The following PDLIM1 variants were observed in gnomAD, a reference collection of about 807,000 sequenced individuals.
PDLIM1 encodes the protein PDZ and LIM domain 1.
Under a neutral mutation model 35.2 loss-of-function variants are expected in PDLIM1, and 25 were observed. The observed-to-expected ratio is 0.71, with a 90% confidence interval of 0.52 to 0.99. The LOEUF (loss-of-function observed/expected upper bound fraction) is 0.99, where lower values mean the gene tolerates loss of function less well. Ranked by LOEUF, PDLIM1 falls within the 50% of genes least tolerant of loss-of-function variation. The probability of loss-of-function intolerance (pLI) is 0.00; values close to 1 mark genes in which losing one functional copy is unlikely to be tolerated. For missense variants in PDLIM1, 363 were observed against 415.3 expected (o/e 0.87, Z 1.09); for synonymous variants, 152 against 154.0 (o/e 0.99, Z 0.10).
chr10:95,260,908 T>C (rs999221967), intron 4 of PDLIM1, among the ~76,000 whole-genome samples: 1 of 152,170 alleles, frequency 6.6e-6, no homozygotes, highest in Non-Finnish European at 1.5e-5. Context: ...GCACTAGAAA[T>C]ACACCAGCAA....
chr10:95,261,360 G>A (rs1276201995), intron 4 of PDLIM1, among the ~76,000 whole-genome samples: 2 of 152,190 alleles, frequency 1.3e-5, no homozygotes, highest in Non-Finnish European at 1.5e-5. Flanking sequence ...AGAGGGTCAT[G>A]TTCTCAGCCT....
At chr10:95,253,394 G>A (rs1053145100) in intron 4 of PDLIM1, among the ~76,000 whole-genome samples, 6 of 151,696 alleles carry the variant, frequency 4.0e-5, no homozygotes, top group Non-Finnish European at 5.9e-5. Flanking sequence ...CTAAATAGAC[G>A]AAAAAAAATA....
intron 1 of PDLIM1, among the ~76,000 whole-genome samples, chr10:95,289,304 C>A (rs981078882): frequency 6.6e-6 from 1 of 152,232 alleles, no homozygotes; most frequent in African/African-American, 2.4e-5. Flanking sequence ...TTACCCAGCC[C>A]GGCCAGGTAC....
Position 95,237,684 on chromosome 10 carries a change from G to T in PDLIM1, c.*241C>A. The stretch of plus-strand genomic sequence containing the variant: ...ATGCAGCAGAGAAGAACGGTGGGGC[G>T]AAGGGACACAGTGTTGCTGACAAGG... On this transcript the variant is annotated 3_prime_UTR_variant, in exon 7 of 7. Transcript: ENST00000329399. 1 of 493,410 alleles carries T rather than the reference G, an allele frequency of 2.0e-6. No homozygotes were observed. The highest frequency in any genetic ancestry group is 3.6e-6 in the Non-Finnish European group (1 of 275,798). The allele number at this position is 493,410 out of a possible 1,614,324, so 30.6% of individuals were successfully genotyped here.
At chr10:95,268,897 T>C (rs777645770) in intron 2 of PDLIM1, 35 bp from the exon 3 acceptor site, 29 of 1,446,900 alleles carry the variant, frequency 2.0e-5, no homozygotes, top group Non-Finnish European at 2.5e-5. Context: ...GTTTCACTCA[T>C]GTAAAATAAA....
At chr10:95,281,533 C>T (rs1229036756) in intron 1 of PDLIM1, among the ~76,000 whole-genome samples, 1 of 152,244 alleles carries the variant, frequency 6.6e-6, no homozygotes, top group Non-Finnish European at 1.5e-5. Flanking sequence ...CACCACTACA[C>T]TCCAGCTTGG....
intron 5 of PDLIM1, among the ~76,000 whole-genome samples, chr10:95,246,074 T>C (rs960297865): frequency 2.6e-5 from 4 of 152,052 alleles, no homozygotes; most frequent in African/African-American, 4.8e-5. Flanking sequence ...ATGAGAGAGA[T>C]AGAGGGCATA....
chr10:95,282,913 C>T (rs1042116628), intron 1 of PDLIM1, among the ~76,000 whole-genome samples: 37 of 152,316 alleles, frequency 2.4e-4, no homozygotes, highest in South Asian at 1.0e-3. Context: ...CACTGCACTC[C>T]AGCCCAGGCG....
intron 1 of PDLIM1, among the ~76,000 whole-genome samples, chr10:95,281,716 T>C (rs1564606527): frequency 6.6e-6 from 1 of 152,214 alleles, no homozygotes; most frequent in Non-Finnish European, 1.5e-5. Flanking sequence ...GGTCTTGAAC[T>C]CCTGGCCTCA....
rs2035643709 is a variant in PDLIM1 at position 95,290,510 on chromosome 10, C to G, written c.96+310G>C. Among the ~76,000 whole-genome samples, 1 of 152,128 alleles carries G rather than the reference C, an allele frequency of 6.6e-6. No homozygotes were observed. Among genetic ancestry groups the G allele is most frequent in the Non-Finnish European group, 1.5e-5 (1 of 68,006 alleles). Reference sequence around the variant, plus strand: ...GGATCTGCGGGGACCCTCGTCCCCTCGCTGGTTGACAAAGAACTAACACCC... The same window carrying G: ...GGATCTGCGGGGACCCTCGTCCCCTGGCTGGTTGACAAAGAACTAACACCC... On this transcript the variant is annotated intron_variant, in intron 1 of 6. Coordinates refer to ENST00000329399, the MANE Select transcript of PDLIM1 (RefSeq NM_020992.4). This position sits in a 1 kb window ranked among gnomAD's most constrained non-coding sequence, Gnocchi z 4.7.
intron 1 of PDLIM1, among the ~76,000 whole-genome samples, chr10:95,286,415 TTATTATTTTATTTTATCTTTACAGGGAA>T (rs1176590394): frequency 6.6e-6 from 1 of 152,146 alleles, no homozygotes; most frequent in Admixed American, 6.5e-5. Context: ...GTTTGCTTGC[TTATTATTTTATTTTATCTTTACAGGGAA>T]TATTATTTTA....
chr10:95,264,713 C>G (rs762054825), intron 3 of PDLIM1, among the ~76,000 whole-genome samples: 2 of 152,130 alleles, frequency 1.3e-5, no homozygotes, highest in South Asian at 2.1e-4. Flanking sequence ...CCCAGCAGAG[C>G]TGCAGAAAAG....
At chr10:95,285,524 T>C (rs1194430559) in intron 1 of PDLIM1, among the ~76,000 whole-genome samples, 1 of 152,130 alleles carries the variant, frequency 6.6e-6, no homozygotes. Context: ...AGCTCTGCAA[T>C]TGTCTGACTT....
At chr10:95,278,581 A>C (rs2035534586) in intron 1 of PDLIM1, among the ~76,000 whole-genome samples, 1 of 152,130 alleles carries the variant, frequency 6.6e-6, no homozygotes, top group Admixed American at 6.5e-5. Flanking sequence ...AAGCCACAAA[A>C]GGAAAAAAGC....
intron 5 of PDLIM1, among the ~76,000 whole-genome samples, chr10:95,242,903 T>G (rs961476946): frequency 2.0e-5 from 3 of 152,002 alleles, no homozygotes; most frequent in African/African-American, 4.8e-5. Flanking sequence ...CTGGGCAGTT[T>G]GCAAAGGCAC....
chr10:95,255,733 C>T (rs545807915), intron 4 of PDLIM1, among the ~76,000 whole-genome samples: 2 of 152,244 alleles, frequency 1.3e-5, no homozygotes, highest in African/African-American at 4.8e-5. Context: ...GGCAAGAATG[C>T]CAACTTTTAC....
At chr10:95,264,823 A>G (rs1328449258) in intron 3 of PDLIM1, among the ~76,000 whole-genome samples, 1 of 152,110 alleles carries the variant, frequency 6.6e-6, no homozygotes. Context: ...GTGAATAATT[A>G]CTACAGCTAC....
Position 95,249,751 on chromosome 10 carries a change from C to T in PDLIM1, c.534-2385G>A, listed in dbSNP as rs45474292. Among the ~76,000 whole-genome samples, 560 of 152,310 alleles carry T rather than the reference C, an allele frequency of 3.7e-3. 2 individuals are homozygous for T. The highest frequency in any genetic ancestry group is 8.4e-3 in the Admixed American group (129 of 15,294). ...GTCCCCAGCTAAAGGCAGAGTCAAT[C>T]ATAGCAATCAAGGTCCAGGTGTTTC... On this transcript the variant is annotated intron_variant, in intron 4 of 6. Transcript: ENST00000329399.
chr10:95,272,214 AAC>A (rs549033231), intron 1 of PDLIM1, among the ~76,000 whole-genome samples: 19 of 152,158 alleles, frequency 1.2e-4, no homozygotes, highest in Non-Finnish European at 2.2e-4. Flanking sequence ...CATTTAAAAA[AAC>A]ACACACACAC....
Sources: gnomAD v4.1 joint callset for allele counts (sites outside exome capture counted in the v4.1 genomes callset) on GRCh38, gnomAD v4.1.1 for gene constraint, Gnocchi (gnomAD v3.1) non-coding constraint, MANE v1.5 for transcripts, NCBI Gene and HGNC (gene_info 2026-07-23, HGNC 2026-07-21) for gene names.